WDR48: variants seen among roughly 807,000 people sequenced by gnomAD.
WDR48 encodes the protein WD repeat-containing protein 48.
A neutral mutation model predicts 94.0 loss-of-function variants in WDR48; 22 were observed. The ratio of observed to expected loss-of-function variants is 0.23; its 90% CI spans 0.17 to 0.33. The LOEUF is 0.33. WDR48 is among the 10% of genes least tolerant of loss of function. WDR48 has a pLI of 1.00. For synonymous variants in WDR48, 278 were observed against 280.5 expected, an observed-to-expected ratio of 0.99 and a Z score of 0.09; for missense variants, 541 against 813.8, an observed-to-expected ratio of 0.66 and a Z score of 4.08.
At chr3:39,080,329 T>G (rs1404272755) in intron 11 of WDR48, among the ~76,000 whole-genome samples, 1 of 152,230 alleles carries the variant, frequency 6.6e-6, no homozygotes, top group Non-Finnish European at 1.5e-5. Context: ...GTTGGCTGTT[T>G]CTTAGGATTT....
At chr3:39,052,185 G>A (rs1441435597) in intron 1 of WDR48, 112 bp downstream of exon 1, 3 of 1,357,304 alleles carry the variant, frequency 2.2e-6, no homozygotes, top group African/African-American at 1.5e-5. Context: ...TGGGGCGAAC[G>A]GGGCGGGGCG....
At chr3:39,077,059 G>C in intron 8 of WDR48, 80 bp from the exon 9 acceptor site, 1 of 1,491,018 alleles carries the variant, frequency 6.7e-7, no homozygotes, top group South Asian at 1.1e-5. Flanking sequence ...TGAAGGAGTT[G>C]ATATTAATAA....
At chr3:39,068,740 G>A (rs2033762708) in intron 5 of WDR48, 31 bp from the exon 6 acceptor site, 2 of 1,539,992 alleles carry the variant, frequency 1.3e-6, no homozygotes, top group East Asian at 4.5e-5. Context: ...TGATGATCTT[G>A]TTAACATTTA....
intron 1 of WDR48, chr3:39,052,489 C>T (rs538200380): frequency 1.6e-5 from 3 of 187,326 alleles, no homozygotes; most frequent in African/African-American, 4.8e-5. Flanking sequence ...GAGTGAGCGG[C>T]TTGTGCGGGG....
intron 9 of WDR48, 106 bp from the exon 10 acceptor site, chr3:39,078,031 G>A (rs1044444802): frequency 2.0e-5 from 16 of 785,280 alleles, no homozygotes; most frequent in Non-Finnish European, 3.1e-5. Flanking sequence ...AGTGGTTGTT[G>A]AGGTTTTCTT....
At chr3:39,081,416 T>C (rs763002851) in intron 11 of WDR48, among the ~76,000 whole-genome samples, 11 of 152,196 alleles carry the variant, frequency 7.2e-5, no homozygotes, top group Non-Finnish European at 1.6e-4. Flanking sequence ...TGCTTCAGAA[T>C]GAGAGGCTTT....
rs2033381138 is a variant in WDR48 at position 39,063,185 on chromosome 3, C to G, written c.184C>G (p.His62Asp). 1 of 1,613,930 alleles carries G rather than the reference C, an allele frequency of 6.2e-7. No individual in the cohort carries two copies. The highest frequency in any genetic ancestry group is 1.1e-5 in the South Asian group (1 of 91,048). The change falls in exon 2 of 19, where the codon CAC becomes GAC. Residue 62 changes from histidine to aspartate, a missense_variant. By Grantham distance (81) the His-to-Asp change is moderately conservative. Coordinates refer to ENST00000302313, the MANE Select transcript of WDR48 (RefSeq NM_020839.4). Reference sequence around the variant, plus strand: ...CATAAGAATATGGAGTGTCAATCAGCACAAGGTAATGCAGGGATTAAAATC... The same window carrying G: ...CATAAGAATATGGAGTGTCAATCAGGACAAGGTAATGCAGGGATTAAAATC... ...SIIRIWSVNQ[H>D]KQDPYIASME...
intron 7 of WDR48, among the ~76,000 whole-genome samples, chr3:39,073,683 G>C (rs1405956708): frequency 1.3e-5 from 2 of 152,166 alleles, no homozygotes; most frequent in African/African-American, 4.8e-5. Flanking sequence ...CACACTCACA[G>C]TGTGCTCAGC....
At chr3:39,089,839 T>G (rs2034990963) in intron 16 of WDR48, 1 of 152,262 alleles carries the variant, frequency 6.6e-6, no homozygotes, top group Non-Finnish European at 1.5e-5. Context: ...GAATCATTCC[T>G]TTTTAATGAC....
intron 10 of WDR48, among the ~76,000 whole-genome samples, chr3:39,078,665 C>T (rs149947580): frequency 0.029 from 4,446 of 151,846 alleles, 215 homozygotes; most frequent in African/African-American, 0.1. Flanking sequence ...ATGATCTGCC[C>T]GCCTCAGCCT....
At chr3:39,060,808 A>G (rs1338027878) in intron 1 of WDR48, among the ~76,000 whole-genome samples, 4 of 152,092 alleles carry the variant, frequency 2.6e-5, no homozygotes, top group Non-Finnish European at 4.4e-5. Flanking sequence ...CTCTACTAAA[A>G]ATGCAAAAAT....
At chr3:39,082,331 G>A (rs1201463531) in intron 11 of WDR48, among the ~76,000 whole-genome samples, 1 of 151,740 alleles carries the variant, frequency 6.6e-6, no homozygotes, top group East Asian at 1.9e-4. Flanking sequence ...GCCCCGGCTG[G>A]AGTGCAGTGG....
chr3:39,058,578 C>T (rs1180362811), intron 1 of WDR48, among the ~76,000 whole-genome samples: 1 of 152,092 alleles, frequency 6.6e-6, no homozygotes, highest in Non-Finnish European at 1.5e-5. Context: ...GCCCTGGAAC[C>T]CCAGAGAAAG....
At chr3:39,093,484 A>C (rs927392311) in intron 17 of WDR48, among the ~76,000 whole-genome samples, 4 of 152,154 alleles carry the variant, frequency 2.6e-5, no homozygotes, top group African/African-American at 7.2e-5. Flanking sequence ...GGCGTGCACC[A>C]CCATGCCCAG....
At chr3:39,090,512 C>T (rs569974581) in intron 16 of WDR48, 16 of 152,256 alleles carry the variant, frequency 1.1e-4, no homozygotes, top group Non-Finnish European at 1.0e-4. Context: ...CAAAAATATT[C>T]TCCTATATTC....
At chr3:39,086,895 C>T (rs943895259) in intron 14 of WDR48, among the ~76,000 whole-genome samples, 1 of 152,164 alleles carries the variant, frequency 6.6e-6, no homozygotes, top group Non-Finnish European at 1.5e-5. Flanking sequence ...TGGCTACTTC[C>T]TCATCCAGAG....
intron 11 of WDR48, among the ~76,000 whole-genome samples, chr3:39,080,967 C>T (rs2034506464): frequency 6.6e-6 from 1 of 152,174 alleles, no homozygotes; most frequent in Non-Finnish European, 1.5e-5. Flanking sequence ...GAGCCTTAAG[C>T]TGCAGGACCC....
intron 13 of WDR48, among the ~76,000 whole-genome samples, chr3:39,085,183 C>T (rs554104144): frequency 5.3e-5 from 8 of 151,636 alleles, no homozygotes; most frequent in Non-Finnish European, 1.0e-4. Flanking sequence ...GCCGAGATTG[C>T]ACCACTGCGC....
In WDR48 at chr3:39,088,138, G is replaced by C. The variant is rs143890402; in HGVS notation, c.1485G>C (p.Glu495Asp). 2.5e-6 allele frequency: 4 copies of C among 1,614,158 alleles called. No individual in the cohort carries two copies. In the Admixed American group the frequency reaches 6.7e-5, roughly 27 times the overall value. The change falls in exon 15 of 19, where the codon GAG becomes GAC. Residue 495 changes from glutamate to aspartate, a missense_variant. Physicochemically the swap from Glu to Asp is conservative, Grantham distance 45. This residue lies in a region of WDR48 where 238 missense variants were observed against 285.3 expected (regional missense o/e 0.83). Coordinates refer to ENST00000302313, the MANE Select transcript of WDR48 (RefSeq NM_020839.4). ...TGCATCTTTTCCTAGTAAATGGGGA[G>C]CAGGAGAACCGAGTGCAGAAGGGAA... ...EENEVNHVNG[E>D]QENRVQKGNG...
Sources: gnomAD v4.1 joint callset for allele counts (sites outside exome capture counted in the v4.1 genomes callset) on GRCh38, gnomAD v4.1.1 for gene constraint, gnomAD v4.1.1 regional missense constraint, MANE v1.5 for transcripts, NCBI Gene and HGNC (gene_info 2026-07-23, HGNC 2026-07-21) for gene names.